CBX8: variants seen among roughly 807,000 people sequenced by gnomAD.
The protein encoded by CBX8 is chromobox protein homolog 8.
Under a neutral mutation model 39.7 loss-of-function variants are expected in CBX8, and 8 were observed. The ratio of observed to expected loss-of-function variants is 0.20; its 90% confidence interval spans 0.12 to 0.36. The LOEUF is 0.36. Among genes scored for constraint, CBX8 ranks in the 10% least tolerant of loss-of-function variants. CBX8 has a pLI of 1.00. For synonymous variants in CBX8, 268 were observed against 219.8 expected (o/e 1.22, Z -1.94); for missense variants, 505 against 529.6 (o/e 0.95, Z 0.46).
chr17:79,795,245 T>A lies in CBX8; in HGVS notation c.560A>T (p.Asp187Val). The change falls in exon 5 of 5, where the codon GAC (aspartate) becomes GTC (valine). Residue 187 changes from aspartate (D) to valine (V), a missense_variant. By Grantham distance (152) the Asp-to-Val change is radical. Around this residue, in one of 3 missense-constraint regions of CBX8, gnomAD observed 456 missense variants for 389.2 expected, o/e 1.17. Coordinates refer to ENST00000269385, the MANE Select transcript of CBX8 (RefSeq NM_020649.3). This position sits in a 1 kb window ranked among gnomAD's most constrained non-coding sequence, Gnocchi z 5.8. ...GCTGTCCCCCGGTGAGCTGGGCTTG[T>A]CATCCACTCTGCTGGTACCCCGCTC... ...ERERGTSRVD[D>V]KPSSPGDSSK... 6.2e-7 allele frequency: 1 copy of A among 1,612,512 alleles called. No individual in the cohort carries two copies. The highest frequency in any genetic ancestry group is 1.3e-5 in the African/African-American group (1 of 75,062).
In CBX8 at chr17:79,793,443, C is replaced by G. The variant is rs918859994; in HGVS notation, c.*1192G>C. On this transcript the variant is annotated 3_prime_UTR_variant, in exon 5 of 5. Coordinates refer to ENST00000269385, the MANE Select transcript of CBX8 (RefSeq NM_020649.3). ...GCGGGGGTGAGTCTAGCCCCAGCTC[C>G]GAGCTCCGAGCCGTGGTCCTCAGCC... The G allele has an allele frequency of 1.8e-4, 28 of 152,370 alleles. No individual in the cohort carries two copies. Among genetic ancestry groups the G allele is most frequent in the African/African-American group, 6.7e-4 (28 of 41,574 alleles). 9.4% of individuals were successfully genotyped at this position (152,370 alleles called of 1,614,324 possible).
chr17:79,796,629 T>G (rs1598236395), intron 1 of CBX8, 89 bp from the exon 2 acceptor site: 2 of 1,466,964 alleles, frequency 1.4e-6, no homozygotes, highest in East Asian at 4.5e-5. Flanking sequence ...ATGCACCAGA[T>G]GAATGCTCGA....
rs1330680561 is a variant in CBX8 at position 79,794,736 on chromosome 17, T to C, written c.1069A>G (p.Asn357Asp). ...EEESWSPSLT[N>D]LEKVVVTDVT... The stretch of plus-strand genomic sequence containing the variant: ...TCCGTGACCACCACCTTCTCCAGGT[T>C]AGTCAGGGAGGGGCTCCAGGACTCT... Residue 357 changes from asparagine to aspartate, a missense_variant, in exon 5 of 5, where the codon AAC (asparagine) becomes GAC (aspartate). Physicochemically the swap from Asn to Asp is conservative, Grantham distance 23 (BLOSUM62 1). Around this residue, in one of 3 missense-constraint regions of CBX8, gnomAD observed 456 missense variants for 389.2 expected, o/e 1.17. Coordinates refer to ENST00000269385, the MANE Select transcript of CBX8 (RefSeq NM_020649.3). 5 of 1,613,118 alleles carry C rather than the reference T, an allele frequency of 3.1e-6. No homozygotes were observed. The highest frequency in any genetic ancestry group is 2.2e-5 in the East Asian group (1 of 44,876).
Position 79,792,701 on chromosome 17 carries a change from A to G in CBX8, c.*1934T>C, listed in dbSNP as rs1372680661. ...ATACCAGTTTTACAAATGTGAGTAG[A>G]TAAAAATCCCCATTCCAGGGGCTTC... On this transcript the variant is annotated 3_prime_UTR_variant, in exon 5 of 5. Coordinates refer to ENST00000269385, the MANE Select transcript of CBX8 (RefSeq NM_020649.3). 1 of 152,264 alleles carries G rather than the reference A, an allele frequency of 6.6e-6. No homozygotes were observed. The highest frequency in any genetic ancestry group is 1.5e-5 in the Non-Finnish European group (1 of 68,044). The allele number at this position is 152,264 out of a possible 1,614,324, so 9.4% of individuals were successfully genotyped here. A position where few individuals can be genotyped will look rare whatever the true frequency, so the allele number is the denominator to read the frequency against.
rs748075973 is a variant in CBX8 at position 79,795,326 on chromosome 17, C to T, written c.479G>A (p.Arg160Gln). 16 of 1,581,662 alleles carry T rather than the reference C, an allele frequency of 1.0e-5. No individual in the cohort carries two copies. The highest frequency in any genetic ancestry group is 4.6e-5 in the South Asian group (4 of 87,278). Reference sequence around the variant, plus strand: ...TCGCTCCCTCTCCCTTTCTCGATCCCGCTCCCGGTCCCTATCCCGGTCTCG... The same window carrying T: ...TCGCTCCCTCTCCCTTTCTCGATCCTGCTCCCGGTCCCTATCCCGGTCTCG... ...RDRDRDRDRE[R>Q]DRERERERER... Residue 160 changes from arginine (R) to glutamine (Q), a missense_variant, in exon 5 of 5, where the codon CGG becomes CAG. Coordinates refer to ENST00000269385, the MANE Select transcript of CBX8 (RefSeq NM_020649.3). This position sits in a 1 kb window ranked among gnomAD's most constrained non-coding sequence, Gnocchi z 5.8.
chr17:79,796,373 G>GT, intron 2 of CBX8, 58 bp from the exon 3 acceptor site: 2 of 1,595,242 alleles, frequency 1.3e-6, no homozygotes, highest in Non-Finnish European at 1.7e-6. Flanking sequence ...AGAGCAGAGG[G>GT]GGTGTGTGTG....
In CBX8 at chr17:79,794,004, A is replaced by G. The variant is rs1907970613; in HGVS notation, c.*631T>C. On this transcript the variant is annotated 3_prime_UTR_variant, in exon 5 of 5. Transcript: ENST00000269385. ...CTTCAACATCACACACGAAAAGCTT[A>G]TTCAAGTTAATACTTTTTTCCCTAA... The G allele has an allele frequency of 6.6e-6, 1 of 150,982 alleles. No individual in the cohort carries two copies. The highest frequency in any genetic ancestry group is 1.5e-5 in the Non-Finnish European group (1 of 67,578). The allele number at this position is 150,982 out of a possible 1,614,324, so 9.4% of individuals were successfully genotyped here.
chr17:79,795,662 G>A lies in CBX8; in HGVS notation c.247-104C>T, dbSNP rs1440751562. On this transcript the variant is annotated intron_variant, in intron 4 of 4. Coordinates refer to ENST00000269385, the MANE Select transcript of CBX8 (RefSeq NM_020649.3). The surrounding 1 kb of genome is among the most constrained non-coding windows in gnomAD (Gnocchi z 5.8). ...CCTATCTTTACCCTATGATGCCTGG[G>A]AATTTCTACATGGATGCATGGATGG... The A allele has an allele frequency of 1.4e-4, 53 of 389,746 alleles. 1 individual carries two copies. The highest frequency in any genetic ancestry group is 8.3e-5 in the South Asian group (3 of 36,178). The allele number at this position is 389,746 out of a possible 1,614,324, so 24.1% of individuals were successfully genotyped here. A position where few individuals can be genotyped will look rare whatever the true frequency, so the allele number is the denominator to read the frequency against.
In CBX8 at chr17:79,797,066, C is replaced by A; in HGVS notation, c.-68G>T. ...AAAGCAGCAGCCAGCGCACGACAGA[C>A]CATAATACTCTCCCGCTGACGTCAG... On this transcript the variant is annotated 5_prime_UTR_variant, in exon 1 of 5. Coordinates refer to ENST00000269385, the MANE Select transcript of CBX8 (RefSeq NM_020649.3). The A allele has an allele frequency of 7.0e-7, 1 of 1,438,116 alleles. No individual in the cohort carries two copies. Among genetic ancestry groups the A allele is most frequent in the South Asian group, 1.3e-5 (1 of 79,354 alleles). 89.1% of individuals were successfully genotyped at this position (1,438,116 alleles called of 1,614,324 possible).
At position 79,794,802 on chromosome 17, in the gene CBX8, C is replaced by T. The variant is rs746334191; in HGVS notation, c.1003G>A (p.Ala335Thr). 2.5e-6 allele frequency: 4 copies of T among 1,612,254 alleles called. No individual in the cohort carries two copies. The Admixed American group carries it at 6.7e-5, about 27-fold the overall frequency. The change falls in exon 5 of 5, where the codon GCC becomes ACC. Residue 335 changes from alanine (A) to threonine (T), a missense_variant. By Grantham distance (58) the Ala-to-Thr change is moderately conservative (BLOSUM62 0). Coordinates refer to ENST00000269385, the MANE Select transcript of CBX8 (RefSeq NM_020649.3). ...GAQGGRPSLIARIPVARILGD... is the reference protein window; with the variant it reads ...GAQGGRPSLITRIPVARILGD... ...AGGATTCTGGCCACAGGGATCCTGG[C>T]GATGAGGGAGGGCCTTCCCCCCTGG...
At position 79,796,038 on chromosome 17, in the gene CBX8, T is replaced by C. The variant is rs11651828; in HGVS notation, c.246+19A>G. ...CACTCCATAACATGGTCCTCCACCA[T>C]TGGACACTGCCAACCTACTTTGAGG... On this transcript the variant is annotated intron_variant, in intron 4 of 4. Coordinates refer to ENST00000269385, the MANE Select transcript of CBX8 (RefSeq NM_020649.3). 138,991 of 1,611,940 alleles carry C rather than the reference T, an allele frequency of 0.086. 6,950 individuals are homozygous for C. Among genetic ancestry groups the C allele is most frequent in the Non-Finnish European group, 0.089 (105,036 of 1,178,136 alleles).
rs757783391 is a variant in CBX8, at chr17:79,795,528, C to G, written c.277G>C (p.Glu93Gln). The G allele has an allele frequency of 6.5e-7, 1 of 1,533,290 alleles. No individual in the cohort carries two copies. Among genetic ancestry groups the G allele is most frequent in the African/African-American group, 1.4e-5 (1 of 72,092 alleles). The allele number at this position is 1,533,290 out of a possible 1,614,324, so 95.0% of individuals were successfully genotyped here. The change falls in exon 5 of 5, where the codon GAG becomes CAG. Residue 93 changes from glutamate (E) to glutamine (Q), a missense_variant. Physicochemically the swap from Glu to Gln is conservative, Grantham distance 29. This residue lies in a region of CBX8 where 456 missense variants were observed against 389.2 expected (regional missense o/e 1.17). Transcript: ENST00000269385. This position sits in a 1 kb window ranked among gnomAD's most constrained non-coding sequence, Gnocchi z 5.8. ...AQAKAKAKTY[E>Q]FRSDSARGIR... ...CCCCTGGCTGAGTCACTTCGAAACT[C>G]GTAAGTTTTGGCCTTTGCCTTGGCC...
Position 79,797,010 on chromosome 17 carries a change from G to A in CBX8, c.-12C>T, listed in dbSNP as rs1278645238. On this transcript the variant is annotated 5_prime_UTR_variant, in exon 1 of 5. Coordinates refer to ENST00000269385, the MANE Select transcript of CBX8 (RefSeq NM_020649.3). ...GCTGAAAGCTCCATGTTGACTCGCC[G>A]CTTCCCCCCTTGGCCGCTTCCAGGA... is the stretch of plus-strand genomic sequence containing the variant. The A allele has an allele frequency of 1.3e-5, 21 of 1,606,476 alleles. No homozygotes were observed. Among genetic ancestry groups the A allele is most frequent in the Non-Finnish European group, 1.8e-5 (21 of 1,177,298 alleles).
At chr17:79,796,177 C>G in intron 3 of CBX8, 54 bp from the exon 4 acceptor site, 1 of 1,612,622 alleles carries the variant, frequency 6.2e-7, no homozygotes, top group Non-Finnish European at 8.5e-7. Flanking sequence ...GCAAGTGGGA[C>G]TCTAGTCCAG....
At position 79,797,059 on chromosome 17, in the gene CBX8, C is replaced by G. The variant is rs1908126523; in HGVS notation, c.-61G>C. ...GAGCAGAAAAGCAGCAGCCAGCGCA[C>G]GACAGACCATAATACTCTCCCGCTG... On this transcript the variant is annotated 5_prime_UTR_variant, in exon 1 of 5. Transcript: ENST00000269385. The G allele has an allele frequency of 6.6e-7, 1 of 1,524,320 alleles. No homozygotes were observed. The highest frequency in any genetic ancestry group is 8.9e-7 in the Non-Finnish European group (1 of 1,119,246). The allele number at this position is 1,524,320 out of a possible 1,614,324, so 94.4% of individuals were successfully genotyped here. A position where few individuals can be genotyped will look rare whatever the true frequency, so the allele number is the denominator to read the frequency against.
In CBX8 at chr17:79,797,024, CCGCTTCCAGG is replaced by C; in HGVS notation, c.-36_-27del. 1 of 1,600,666 alleles carries C rather than the reference CCGCTTCCAGG, an allele frequency of 6.2e-7. No homozygotes were observed. Among genetic ancestry groups the C allele is most frequent in the Non-Finnish European group, 8.5e-7 (1 of 1,174,370 alleles). ...GTTGACTCGCCGCTTCCCCCCTTGG[CCGCTTCCAGG>C]AGCAGAAAAGCAGCAGCCAGCGCAC... is the stretch of plus-strand genomic sequence containing the variant. On this transcript the variant is annotated 5_prime_UTR_variant, in exon 1 of 5. Coordinates refer to ENST00000269385, the MANE Select transcript of CBX8 (RefSeq NM_020649.3).
At position 79,792,259 on chromosome 17, in the gene CBX8, A is replaced by T. The variant is rs1907905073; in HGVS notation, c.*2376T>A. On this transcript the variant is annotated 3_prime_UTR_variant, in exon 5 of 5. Transcript: ENST00000269385. ...CGGAGATCGATTGGAGATTTGTACA[A>T]ATCTTAGAATTAAATAAACCCAACA... The T allele has an allele frequency of 6.6e-6, 1 of 152,236 alleles. No homozygotes were observed. Among genetic ancestry groups the T allele is most frequent in the African/African-American group, 2.4e-5 (1 of 41,442 alleles). The allele number at this position is 152,236 out of a possible 1,614,324, so 9.4% of individuals were successfully genotyped here.
At chr17:79,796,388 T>G (rs1908093088) in intron 2 of CBX8, 73 bp from the exon 3 acceptor site, 1 of 1,587,140 alleles carries the variant, frequency 6.3e-7, no homozygotes, top group Non-Finnish European at 8.7e-7. Flanking sequence ...TGTGTGTGTG[T>G]AACTTTTCTC....
In CBX8 at chr17:79,797,010, G is replaced by C; in HGVS notation, c.-12C>G. On this transcript the variant is annotated 5_prime_UTR_variant, in exon 1 of 5. Coordinates refer to ENST00000269385, the MANE Select transcript of CBX8 (RefSeq NM_020649.3). ...GCTGAAAGCTCCATGTTGACTCGCC[G>C]CTTCCCCCCTTGGCCGCTTCCAGGA... is the stretch of plus-strand genomic sequence containing the variant. The C allele has an allele frequency of 1.9e-6, 3 of 1,606,592 alleles. No homozygotes were observed. Among genetic ancestry groups the C allele is most frequent in the African/African-American group, 2.7e-5 (2 of 74,414 alleles).
Sources: allele counts gnomAD v4.1 joint callset, GRCh38; gene constraint gnomAD v4.1.1; regional missense constraint gnomAD v4.1.1; non-coding constraint Gnocchi (gnomAD v3.1); transcripts MANE v1.5; gene names NCBI Gene and HGNC (gene_info 2026-07-23, HGNC 2026-07-21).